ITSN1: variants seen among roughly 807,000 people sequenced by gnomAD.
ITSN1 encodes the protein intersectin 1.
In ITSN1, 58 loss-of-function variants were observed where a neutral mutation model predicts 239.8. The observed-to-expected ratio is 0.24, with a 90% confidence interval of 0.20 to 0.30. ITSN1 has a LOEUF of 0.30. Ranked by LOEUF, ITSN1 falls within the 10% of genes least tolerant of loss-of-function variation. ITSN1 has a pLI of 1.00. For synonymous variants in ITSN1, 780 were observed against 770.8 expected (o/e 1.01, Z -0.20); for missense variants, 1,558 against 2,103.3 (o/e 0.74, Z 5.07).
chr21:33,792,833 C>A (rs896738799), intron 16 of ITSN1, among the ~76,000 whole-genome samples: 1 of 152,100 alleles, frequency 6.6e-6, no homozygotes, highest in Non-Finnish European at 1.5e-5. Context: ...CTGGATGTTC[C>A]CAGTGTCATC....
chr21:33,809,608 G>A (rs2072744814), intron 20 of ITSN1, among the ~76,000 whole-genome samples: 1 of 152,002 alleles, frequency 6.6e-6, no homozygotes. Flanking sequence ...TTAGATAACT[G>A]GTATTTTTGT....
At chr21:33,655,701 G>A (rs941494963) in intron 1 of ITSN1, among the ~76,000 whole-genome samples, 2 of 151,398 alleles carry the variant, frequency 1.3e-5, no homozygotes, top group African/African-American at 4.9e-5. Flanking sequence ...CCAAAGTGCT[G>A]GAATTACAGG....
In ITSN1 at chr21:33,772,211, G is replaced by A. The variant is rs533840234; in HGVS notation, c.1193G>A (p.Arg398His). 2.6e-5 allele frequency: 42 copies of A among 1,613,162 alleles called. No homozygotes were observed. Among genetic ancestry groups the A allele is most frequent in the Admixed American group, 8.4e-5 (5 of 59,804 alleles). ...GAGCAGGAGAGGAAGGAGCGTGAGC[G>A]CCAGGAGCAAGAGCGCAAAAGACAA... The part of the protein sequence containing the change: ...RAEQERKERE[R>H]QEQERKRQLE... The change falls in exon 12 of 40, where the codon CGC (arginine) becomes CAC (histidine). Residue 398 changes from arginine to histidine, a missense_variant. By Grantham distance (29) the Arg-to-His change is conservative. Around this residue, in one of 2 missense-constraint regions of ITSN1, gnomAD observed 982 missense variants for 1,209.9 expected, o/e 0.81. Transcript: ENST00000381318.
intron 16 of ITSN1, 103 bp from the exon 17 acceptor site, chr21:33,794,238 C>G: frequency 2.4e-6 from 2 of 841,456 alleles, no homozygotes; most frequent in Non-Finnish European, 3.8e-6. Flanking sequence ...ACGTTATCTC[C>G]TAAGTGTCCT....
At chr21:33,695,772 T>C (rs901209719) in intron 1 of ITSN1, among the ~76,000 whole-genome samples, 6 of 152,204 alleles carry the variant, frequency 3.9e-5, no homozygotes, top group Admixed American at 6.5e-5. Context: ...AACAGAAACG[T>C]TCTTTTCTGT....
At chr21:33,837,531 C>G (rs766212421) in intron 29 of ITSN1, 1 of 985,764 alleles carries the variant, frequency 1.0e-6, no homozygotes, top group South Asian at 4.7e-5. Context: ...GCTTTTCCCC[C>G]TTACCATAGA....
At chr21:33,680,057 GCTGT>G (rs1468592161) in intron 1 of ITSN1, among the ~76,000 whole-genome samples, 3 of 152,198 alleles carry the variant, frequency 2.0e-5, no homozygotes, top group African/African-American at 7.2e-5. Flanking sequence ...CGCTTGGCCT[GCTGT>G]CTTTTTCATA....
At position 33,775,052 on chromosome 21, in the gene ITSN1, A is replaced by G. The variant is rs1444755848; in HGVS notation, c.1540A>G (p.Asn514Asp). The change falls in exon 14 of 40, where the codon AAC becomes GAC. Residue 514 changes from asparagine (N) to aspartate (D), a missense_variant. Transcript: ENST00000381318. Reference protein sequence around the residue: ...TTQRQEIESTNKSRELRIAEI... With the variant: ...TTQRQEIESTDKSRELRIAEI... ...CCAAAGGCAAGAAATTGAGAGCACA[A>G]ACAAATCTAGAGAGTTGAGAATTGC... 9.3e-6 allele frequency: 15 copies of G among 1,614,182 alleles called. No homozygotes were observed. The highest frequency in any genetic ancestry group is 2.2e-5 in the East Asian group (1 of 44,870).
intron 25 of ITSN1, among the ~76,000 whole-genome samples, chr21:33,824,953 A>G (rs2073899288): frequency 1.3e-5 from 2 of 152,180 alleles, no homozygotes; most frequent in African/African-American, 4.8e-5. Context: ...GAAACAGAGA[A>G]TTCAATTCTT....
At chr21:33,779,429 T>C (rs1313894290) in intron 14 of ITSN1, among the ~76,000 whole-genome samples, 1 of 152,252 alleles carries the variant, frequency 6.6e-6, no homozygotes, top group Admixed American at 6.5e-5. Flanking sequence ...TTCTTCTAAT[T>C]CTTTCACCTT....
Position 33,775,079 on chromosome 21 carries a change from G to A in ITSN1, c.1567G>A (p.Glu523Lys), listed in dbSNP as rs779966613. Reference sequence around the variant, plus strand: ...CAAATCTAGAGAGTTGAGAATTGCCGAAATCACCCATCTACAGCAACAATT... The same window carrying A: ...CAAATCTAGAGAGTTGAGAATTGCCAAAATCACCCATCTACAGCAACAATT... ...TNKSRELRIA[E>K]ITHLQQQLQE... Residue 523 changes from glutamate (E) to lysine (K), a missense_variant, in exon 14 of 40, where the codon GAA becomes AAA. Coordinates refer to ENST00000381318, the MANE Select transcript of ITSN1 (RefSeq NM_003024.3). The A allele has an allele frequency of 5.6e-6, 9 of 1,613,818 alleles. No homozygotes were observed. The highest frequency in any genetic ancestry group is 1.7e-4 in the Middle Eastern group (1 of 6,060).
chr21:33,753,177 CTA>C (rs1303407764), intron 7 of ITSN1, among the ~76,000 whole-genome samples: 1 of 152,122 alleles, frequency 6.6e-6, no homozygotes, highest in Non-Finnish European at 1.5e-5. Context: ...GTGTTCTTAA[CTA>C]TGCAAGTTTT....
intron 1 of ITSN1, among the ~76,000 whole-genome samples, chr21:33,645,264 C>T (rs1179518591): frequency 6.6e-6 from 1 of 152,174 alleles, no homozygotes; most frequent in Non-Finnish European, 1.5e-5. Context: ...TGATCACTTC[C>T]TCCTGAATGG....
intron 1 of ITSN1, among the ~76,000 whole-genome samples, chr21:33,703,009 G>GGTGGTTGCA (rs962933035): frequency 2.6e-5 from 4 of 151,862 alleles, no homozygotes; most frequent in Non-Finnish European, 4.4e-5. Context: ...CTTGGGAGAT[G>GGTGGTTGCA]GTGGTTGCAG....
intron 1 of ITSN1, among the ~76,000 whole-genome samples, chr21:33,649,254 T>G (rs1367017769): frequency 6.6e-6 from 1 of 152,218 alleles, no homozygotes; most frequent in Non-Finnish European, 1.5e-5. Flanking sequence ...GGAAGTTTGC[T>G]TCCTGAATGT....
chr21:33,870,631 T>C (rs1379726768), intron 33 of ITSN1, among the ~76,000 whole-genome samples: 1 of 152,146 alleles, frequency 6.6e-6, no homozygotes, highest in East Asian at 1.9e-4. Flanking sequence ...ACCTAAAAAA[T>C]ACCCAAACTT....
intron 31 of ITSN1, among the ~76,000 whole-genome samples, chr21:33,861,080 TCTGGGGAC>T (rs1347717442): frequency 1.3e-5 from 2 of 152,230 alleles, no homozygotes; most frequent in Non-Finnish European, 2.9e-5. Flanking sequence ...ACCGTAGCCT[TCTGGGGAC>T]CTGATTTCTT....
intron 33 of ITSN1, among the ~76,000 whole-genome samples, chr21:33,872,693 G>A (rs570915970): frequency 2.2e-4 from 34 of 152,154 alleles, no homozygotes; most frequent in African/African-American, 7.7e-4. Flanking sequence ...AATCACGCCC[G>A]GCTAATTTTT....
intron 1 of ITSN1, among the ~76,000 whole-genome samples, chr21:33,656,641 TC>T (rs2089104795): frequency 1.3e-5 from 2 of 151,980 alleles, no homozygotes; most frequent in Non-Finnish European, 2.9e-5. Flanking sequence ...GTTCAAACGG[TC>T]CCCCCACCTC....
Sources: allele counts gnomAD v4.1 joint callset (sites outside exome capture counted in the v4.1 genomes callset), GRCh38; gene constraint gnomAD v4.1.1; regional missense constraint gnomAD v4.1.1; transcripts MANE v1.5; gene names NCBI Gene and HGNC (gene_info 2026-07-23, HGNC 2026-07-21).